Variants in ADCY8 observed in about 807,000 individuals in gnomAD.
The protein encoded by ADCY8 is adenylate cyclase 8.
ADCY8 carries 51 observed loss-of-function variants against 119.7 expected under a neutral mutation model. That is an observed-to-expected ratio of 0.43 (90% CI 0.34 to 0.54). The LOEUF is 0.54. Ranked by LOEUF, ADCY8 falls within the 20% of genes least tolerant of loss-of-function variation. The pLI, the probability that ADCY8 is intolerant of heterozygous loss-of-function variation, is 0.03. For synonymous variants in ADCY8, 665 were observed against 651.0 expected, an observed-to-expected ratio of 1.02 and a Z score of -0.33; for missense variants, 1,383 against 1,598.8, an observed-to-expected ratio of 0.87 and a Z score of 2.30.
chr8:131,007,582 C>T (rs756585822), intron 1 of ADCY8, among the ~76,000 whole-genome samples: 1 of 152,180 alleles, frequency 6.6e-6, no homozygotes, highest in Non-Finnish European at 1.5e-5. Context: ...TAGCAGTCAC[C>T]AGCATACAGT....
intron 2 of ADCY8, among the ~76,000 whole-genome samples, chr8:130,953,109 A>G (rs778281243): frequency 1.1e-4 from 17 of 152,194 alleles, no homozygotes; most frequent in Non-Finnish European, 1.8e-4. Context: ...CTTCTGACAC[A>G]TGGTTTACTT....
chr8:130,815,558 G>C (rs1816310229), intron 13 of ADCY8, among the ~76,000 whole-genome samples: 2 of 152,128 alleles, frequency 1.3e-5, no homozygotes, highest in Non-Finnish European at 2.9e-5. Flanking sequence ...AAGCAAACAT[G>C]AATTAATAAC....
rs868730883 is a variant in ADCY8, at chr8:130,840,735, T to C, written c.2503-4286A>G. Among the ~76,000 whole-genome samples the C allele has an allele frequency of 6.6e-5, 10 of 152,296 alleles. No individual in the cohort carries two copies. The South Asian group carries it at 1.2e-3, about 19-fold the overall frequency. ...TACAGTGTTTTGGGGTAAATCCCTG[T>C]ACTCCAGAGAACTCTGACTCCCATA... On this transcript the variant is annotated intron_variant, in intron 11 of 17. Coordinates refer to ENST00000286355, the MANE Select transcript of ADCY8 (RefSeq NM_001115.3).
At chr8:131,010,474 T>C (rs1228851163) in intron 1 of ADCY8, among the ~76,000 whole-genome samples, 1 of 152,146 alleles carries the variant, frequency 6.6e-6, no homozygotes, top group Non-Finnish European at 1.5e-5. Context: ...ATCTGTGTCT[T>C]TAGTTTGTAT....
chr8:130,999,303 C>T (rs546678822), intron 1 of ADCY8, among the ~76,000 whole-genome samples: 7 of 152,146 alleles, frequency 4.6e-5, no homozygotes, highest in Non-Finnish European at 1.0e-4. Flanking sequence ...TCTTCTGGAA[C>T]AGGAAGAAGA....
intron 9 of ADCY8, among the ~76,000 whole-genome samples, chr8:130,856,504 T>C (rs1222849758): frequency 6.6e-6 from 1 of 152,128 alleles, no homozygotes; most frequent in Non-Finnish European, 1.5e-5. Context: ...GGCTGAATCC[T>C]GCCAGGCCCC....
chr8:130,823,027 C>T (rs1027514057), intron 12 of ADCY8, among the ~76,000 whole-genome samples: 10 of 152,206 alleles, frequency 6.6e-5, no homozygotes, highest in Non-Finnish European at 1.0e-4. Flanking sequence ...GCATGTCCTG[C>T]GTTCAGCTCC....
intron 2 of ADCY8, among the ~76,000 whole-genome samples, chr8:130,982,157 G>A (rs897597600): frequency 3.3e-5 from 5 of 152,166 alleles, no homozygotes; most frequent in African/African-American, 1.2e-4. Flanking sequence ...TACCCACATC[G>A]GGTAAACACA....
intron 9 of ADCY8, among the ~76,000 whole-genome samples, chr8:130,865,173 T>C (rs1818072795): frequency 6.6e-6 from 1 of 152,160 alleles, no homozygotes; most frequent in African/African-American, 2.4e-5. Flanking sequence ...GGGTCCTTGT[T>C]GGTGTGACAT....
intron 2 of ADCY8, among the ~76,000 whole-genome samples, chr8:130,968,440 G>C (rs1821829150): frequency 6.6e-6 from 1 of 152,208 alleles, no homozygotes; most frequent in South Asian, 2.1e-4. Context: ...CAAAGTGCTG[G>C]GATTACAGGC....
At chr8:130,787,676 G>A (rs1481564097) in intron 15 of ADCY8, among the ~76,000 whole-genome samples, 1 of 143,064 alleles carries the variant, frequency 7.0e-6, no homozygotes, top group Non-Finnish European at 1.6e-5. Flanking sequence ...ATGTGCACAT[G>A]TATGTCCATG....
intron 5 of ADCY8, among the ~76,000 whole-genome samples, chr8:130,932,666 C>T (rs993202884): frequency 7.9e-5 from 12 of 152,154 alleles, no homozygotes; most frequent in Non-Finnish European, 1.2e-4. Context: ...TCTTTTGAAG[C>T]TATTTTCACA....
intron 2 of ADCY8, among the ~76,000 whole-genome samples, chr8:130,988,051 T>A (rs747432722): frequency 1.1e-4 from 16 of 152,234 alleles, no homozygotes; most frequent in South Asian, 2.1e-4. Context: ...GATGTTATTA[T>A]TCCCATGCCA....
Position 130,780,687 on chromosome 8 carries a change from G to A in ADCY8, c.3459C>T (p.Ile1153=), listed in dbSNP as rs777523444. The A allele has an allele frequency of 6.2e-7, 1 of 1,614,032 alleles. No individual in the cohort carries two copies. The highest frequency in any genetic ancestry group is 8.5e-7 in the Non-Finnish European group (1 of 1,180,016). The change falls in exon 18 of 18, where the codon ATC becomes ATT. Residue 1153 remains isoleucine, a synonymous_variant. Coordinates refer to ENST00000286355, the MANE Select transcript of ADCY8 (RefSeq NM_001115.3). ...CCTGTTCACTGATACCCTTCACATAGATCTCCCCTCGGTAATCAAAGGCAA... is the reference window on the plus strand; with the variant it reads ...CCTGTTCACTGATACCCTTCACATAAATCTCCCCTCGGTAATCAAAGGCAA... ...QGFAFDYRGE[I]YVKGISEQEG...
intron 1 of ADCY8, among the ~76,000 whole-genome samples, chr8:130,991,650 A>G (rs974043595): frequency 6.6e-6 from 1 of 152,246 alleles, no homozygotes; most frequent in African/African-American, 2.4e-5. Flanking sequence ...TTAACCATAG[A>G]GCATTCACAA....
At chr8:130,862,654 C>A (rs892234349) in intron 9 of ADCY8, among the ~76,000 whole-genome samples, 7 of 152,200 alleles carry the variant, frequency 4.6e-5, no homozygotes, top group Non-Finnish European at 1.0e-4. Context: ...ACCTCGTGAT[C>A]TGCCCGCCTC....
At chr8:130,817,009 C>T (rs1816368810) in intron 13 of ADCY8, among the ~76,000 whole-genome samples, 1 of 152,086 alleles carries the variant, frequency 6.6e-6, no homozygotes, top group Admixed American at 6.5e-5. Flanking sequence ...ATCAGATGTC[C>T]TTTTGCACAA....
intron 9 of ADCY8, among the ~76,000 whole-genome samples, chr8:130,857,242 T>TAAAATA (rs57568224): frequency 0.4 from 58,888 of 148,360 alleles, 12,079 homozygotes; most frequent in African/African-American, 0.51. Context: ...AAAGTAATAA[T>TAAAATA]AAAATAAAAA....
chr8:130,946,779 C>T (rs1416382238), intron 3 of ADCY8, among the ~76,000 whole-genome samples: 1 of 152,082 alleles, frequency 6.6e-6, no homozygotes, highest in African/African-American at 2.4e-5. Context: ...TGGTCATGGC[C>T]CCCAGTGGCA....
Sources: gnomAD v4.1 joint callset for allele counts (sites outside exome capture counted in the v4.1 genomes callset) on GRCh38, gnomAD v4.1.1 for gene constraint, MANE v1.5 for transcripts, NCBI Gene and HGNC (gene_info 2026-07-23, HGNC 2026-07-21) for gene names.